The following PHF20L1 variants were observed in gnomAD, a reference collection of about 807,000 sequenced individuals.
PHF20L1 encodes PHD finger protein 20 like 1, also known as PHD finger protein 20-like protein 1.
PHF20L1 carries 44 observed loss-of-function variants against 125.5 expected under a neutral mutation model. The ratio of observed to expected loss-of-function variants is 0.35; its 90% confidence interval spans 0.28 to 0.45. PHF20L1 has a LOEUF of 0.45. Among genes scored for constraint, PHF20L1 ranks in the 20% least tolerant of loss-of-function variants. The probability of loss-of-function intolerance (pLI) is 1.00; values close to 1 mark genes in which losing one functional copy is unlikely to be tolerated. For synonymous variants in PHF20L1, 380 were observed against 403.1 expected (o/e 0.94, Z 0.69); for missense variants, 1,012 against 1,217.2 (o/e 0.83, Z 2.51).
At chr8:132,837,682 GT>G in intron 16 of PHF20L1, 29 bp from the exon 17 acceptor site, 2 of 1,537,502 alleles carry the variant, frequency 1.3e-6, no homozygotes, top group Non-Finnish European at 1.8e-6. Context: ...TGAGGATCGG[GT>G]GACTGTAATA....
chr8:132,776,199 T>G (rs1334805244), intron 1 of PHF20L1, among the ~76,000 whole-genome samples: 2 of 152,206 alleles, frequency 1.3e-5, no homozygotes, highest in African/African-American at 4.8e-5. Context: ...TCCTTCCCTC[T>G]TCGAACCTAA....
rs1181308232 is a variant in PHF20L1 at position 132,839,537 on chromosome 8, T to C, written c.2342T>C (p.Val781Ala). 1 of 1,613,404 alleles carries C rather than the reference T, an allele frequency of 6.2e-7. No homozygotes were observed. Among genetic ancestry groups the C allele is most frequent in the Non-Finnish European group, 8.5e-7 (1 of 1,179,656 alleles). Reference sequence around the variant, plus strand: ...CACCTGCTTGCTGATGTCTATGGTGTTACAGAAGTGCTACACGGGCTACAG... The same window carrying C: ...CACCTGCTTGCTGATGTCTATGGTGCTACAGAAGTGCTACACGGGCTACAG... Reference protein sequence around the residue: ...THHLLADVYGVTEVLHGLQLK... With the variant: ...THHLLADVYGATEVLHGLQLK... The change falls in exon 18 of 21, where the codon GTT (valine) becomes GCT (alanine). Residue 781 changes from valine (V) to alanine (A), a missense_variant. Val to Ala is a moderately conservative substitution (Grantham distance 64). Coordinates refer to ENST00000395386, the MANE Select transcript of PHF20L1 (RefSeq NM_016018.5).
chr8:132,782,577 T>A (rs200879935), intron 2 of PHF20L1, among the ~76,000 whole-genome samples: 2 of 143,072 alleles, frequency 1.4e-5, no homozygotes, highest in East Asian at 4.2e-4. Flanking sequence ...CTGATGACAC[T>A]TTTTTCTTTT....
At position 132,845,872 on chromosome 8, in the gene PHF20L1, C is replaced by T. The variant is rs1473400488; in HGVS notation, c.3003C>T (p.Leu1001=). The T allele has an allele frequency of 8.7e-6, 14 of 1,612,288 alleles. No homozygotes were observed. Among genetic ancestry groups the T allele is most frequent in the African/African-American group, 6.7e-5 (5 of 74,968 alleles). The change falls in exon 21 of 21, where the codon CTC becomes CTT. Residue 1001 remains leucine (L), a synonymous_variant. Coordinates refer to ENST00000395386, the MANE Select transcript of PHF20L1 (RefSeq NM_016018.5). ...AACTTAAACGCCACATAAAACAGCTCCTAATTGACATGGGCAAAGTACAGC... is the reference window on the plus strand; with the variant it reads ...AACTTAAACGCCACATAAAACAGCTTCTAATTGACATGGGCAAAGTACAGC... ...LPQLKRHIKQ[L]LIDMGKVQQI... is the part of the protein sequence containing the mutation.
chr8:132,814,315 G>C (rs1044024372), intron 9 of PHF20L1, among the ~76,000 whole-genome samples: 1 of 151,746 alleles, frequency 6.6e-6, no homozygotes, highest in Non-Finnish European at 1.5e-5. Flanking sequence ...GGCAATTATG[G>C]TTCCTAAAGG....
Position 132,837,367 on chromosome 8 carries a change from CT to C in PHF20L1, c.2092-337del, listed in dbSNP as rs372752426. Among the ~76,000 whole-genome samples, 528 of 152,072 alleles carry C rather than the reference CT, an allele frequency of 3.5e-3. 5 individuals are homozygous for C. Among genetic ancestry groups the C allele is most frequent in the African/African-American group, 0.012 (502 of 41,504 alleles). On this transcript the variant is annotated intron_variant, in intron 16 of 20. Transcript: ENST00000395386. The stretch of plus-strand genomic sequence containing the variant: ...TCATTGGTATAGACACTGCTACCAA[CT>C]TTTTTTTCCCCTAATTTCCGCATTT...
intron 13 of PHF20L1, chr8:132,824,884 C>A: frequency 5.2e-6 from 2 of 383,868 alleles, no homozygotes; most frequent in Non-Finnish European, 8.2e-6. Flanking sequence ...TTTAAATCTC[C>A]TAATTTATTC....
chr8:132,804,149 C>T, intron 7 of PHF20L1, 117 bp downstream of exon 7: 1 of 700,512 alleles, frequency 1.4e-6, no homozygotes, highest in African/African-American at 1.8e-5. Context: ...GGCTTTTGAC[C>T]CTAGCATAAT....
intron 6 of PHF20L1, 142 bp downstream of exon 6, chr8:132,799,314 C>G (rs1351286702): frequency 1.8e-6 from 1 of 559,192 alleles, no homozygotes; most frequent in African/African-American, 1.9e-5. Flanking sequence ...CATTCATCTT[C>G]CTTTAAAAGG....
At chr8:132,835,551 C>G (rs914223434) in intron 15 of PHF20L1, among the ~76,000 whole-genome samples, 1 of 152,082 alleles carries the variant, frequency 6.6e-6, no homozygotes, top group African/African-American at 2.4e-5. Context: ...GGCATTGTCA[C>G]TATTATACAC....
chr8:132,775,933 C>T (rs1453655267), intron 1 of PHF20L1, among the ~76,000 whole-genome samples: 2 of 152,166 alleles, frequency 1.3e-5, no homozygotes, highest in Non-Finnish European at 2.9e-5. Flanking sequence ...GGCCTCACCT[C>T]CTCACCTTTT....
intron 2 of PHF20L1, among the ~76,000 whole-genome samples, chr8:132,787,061 T>C (rs547991874): frequency 2.0e-5 from 3 of 150,292 alleles, no homozygotes; most frequent in African/African-American, 7.3e-5. Context: ...TTGAAAAAAC[T>C]GTATGAAGTT....
At chr8:132,779,195 ATG>A (rs1830155506) in intron 2 of PHF20L1, among the ~76,000 whole-genome samples, 2 of 152,324 alleles carry the variant, frequency 1.3e-5, no homozygotes, top group East Asian at 3.9e-4. Flanking sequence ...TAGGTGAAGA[ATG>A]TACATGGTAA....
intron 4 of PHF20L1, among the ~76,000 whole-genome samples, chr8:132,796,644 T>C (rs886733891): frequency 6.6e-6 from 1 of 152,094 alleles, no homozygotes; most frequent in African/African-American, 2.4e-5. Context: ...AGTTGTTAGG[T>C]GTGCAGGCTG....
At chr8:132,813,224 T>TA in intron 9 of PHF20L1, 1 of 486,976 alleles carries the variant, frequency 2.1e-6, no homozygotes, top group Non-Finnish European at 2.7e-6. Context: ...GGCAACACCT[T>TA]TTATAATAAG....
Position 132,776,542 on chromosome 8 carries a change from G to C in PHF20L1, c.-38+897G>C, listed in dbSNP as rs140124294. Among the ~76,000 whole-genome samples the C allele has an allele frequency of 4.4e-3, 673 of 152,258 alleles. 9 individuals are homozygous for C. The highest frequency in any genetic ancestry group is 0.015 in the African/African-American group (632 of 41,534). ...TGCTCTAATATTTGCTTATACCATA[G>C]CAGGAGGATACCCACTCTCCCCCTC... On this transcript the variant is annotated intron_variant, in intron 1 of 20. Transcript: ENST00000395386.
At position 132,847,448 on chromosome 8, in the gene PHF20L1, TAG is replaced by T. The variant is rs953814132; in HGVS notation, c.*1527_*1528del. 70 of 152,740 alleles carry T rather than the reference TAG, an allele frequency of 4.6e-4. No homozygotes were observed. Among genetic ancestry groups the T allele is most frequent in the African/African-American group, 1.7e-3 (69 of 41,572 alleles). The allele number at this position is 152,740 out of a possible 1,614,324, so 9.5% of individuals were successfully genotyped here. ...CTGTATAAATGCATTTTAGAACTGATAGACAGTAAACTTGAATTTATCTTTGA... is the reference window on the plus strand; with the variant it reads ...CTGTATAAATGCATTTTAGAACTGATACAGTAAACTTGAATTTATCTTTGA... On this transcript the variant is annotated 3_prime_UTR_variant, in exon 21 of 21. Transcript: ENST00000395386.
At chr8:132,804,842 G>T in intron 8 of PHF20L1, 102 bp downstream of exon 8, 2 of 973,792 alleles carry the variant, frequency 2.1e-6, no homozygotes, top group Non-Finnish European at 3.1e-6. Context: ...TAGTGTCATG[G>T]ACCTGTTAAT....
intron 17 of PHF20L1, chr8:132,838,501 A>G (rs1022956547): frequency 6.6e-6 from 1 of 152,172 alleles, no homozygotes; most frequent in African/African-American, 2.4e-5. Context: ...GCCTTCTTCT[A>G]TGCTAGAGGA....
Sources: allele counts gnomAD v4.1 joint callset (sites outside exome capture counted in the v4.1 genomes callset), GRCh38; gene constraint gnomAD v4.1.1; transcripts MANE v1.5; gene names NCBI Gene and HGNC (gene_info 2026-07-23, HGNC 2026-07-21).